RAB10: variants seen among roughly 807,000 people sequenced by gnomAD.
The protein encoded by RAB10 is ras-related protein Rab-10.
In RAB10, 5 loss-of-function variants were observed where a neutral mutation model predicts 25.7. The observed-to-expected ratio is 0.19, with a 90% confidence interval of 0.10 to 0.41. RAB10 has a LOEUF of 0.41. Among genes scored for constraint, RAB10 ranks in the 10% least tolerant of loss-of-function variants. RAB10 has a pLI of 1.00. For synonymous variants in RAB10, 89 were observed against 86.4 expected (o/e 1.03, Z -0.16); for missense variants, 103 against 245.8 (o/e 0.42, Z 3.89).
intron 1 of RAB10, among the ~76,000 whole-genome samples, chr2:26,053,997 C>T (rs541834762): frequency 2.7e-5 from 4 of 149,232 alleles, no homozygotes; most frequent in Non-Finnish European, 4.5e-5. Flanking sequence ...CCACCACACC[C>T]GGCTTCTTTT....
rs80012134 is a variant in RAB10 at position 26,036,003 on chromosome 2, G to A, written c.127+1268G>A. On this transcript the variant is annotated intron_variant, in intron 1 of 5. Transcript: ENST00000264710. ...ATCCTTATTTCCAGAGTATCATACT[G>A]TTTTCTTGGTCTGTCATAAATTTCA... Among the ~76,000 whole-genome samples, 33 of 152,238 alleles carry A rather than the reference G, an allele frequency of 2.2e-4. 1 individual carries two copies. In the East Asian group the frequency reaches 6.4e-3, roughly 29 times the overall value.
At chr2:26,081,791 G>T (rs563522180) in intron 1 of RAB10, among the ~76,000 whole-genome samples, 1 of 152,084 alleles carries the variant, frequency 6.6e-6, no homozygotes, top group African/African-American at 2.4e-5. Context: ...AATGTAAGCC[G>T]CAAGACAATG....
In RAB10 at chr2:26,135,275, C is replaced by T. The variant is rs938222014; in HGVS notation, c.*254C>T. 1 of 392,022 alleles carries T rather than the reference C, an allele frequency of 2.6e-6. No individual in the cohort carries two copies. The allele number at this position is 392,022 out of a possible 1,614,324, so 24.3% of individuals were successfully genotyped here. A position where few individuals can be genotyped will look rare whatever the true frequency, so the allele number is the denominator to read the frequency against. On this transcript the variant is annotated 3_prime_UTR_variant, in exon 6 of 6. Coordinates refer to ENST00000264710, the MANE Select transcript of RAB10 (RefSeq NM_016131.5). ...TAAATGTACTTGCTCAGCTCAACTG[C>T]ATTTCAGTTGTATTATAGTCCAGTT...
chr2:26,081,101 TC>T (rs1666859138), intron 1 of RAB10, among the ~76,000 whole-genome samples: 1 of 152,120 alleles, frequency 6.6e-6, no homozygotes, highest in South Asian at 2.1e-4. Context: ...AATGGAAGTT[TC>T]CCTGCACAAG....
At chr2:26,100,673 C>T (rs1394507638) in intron 2 of RAB10, among the ~76,000 whole-genome samples, 2 of 152,122 alleles carry the variant, frequency 1.3e-5, no homozygotes, top group African/African-American at 4.8e-5. Flanking sequence ...GATTTCATAA[C>T]CCTGTGTTTT....
At chr2:26,117,252 A>G (rs1052332153) in intron 3 of RAB10, among the ~76,000 whole-genome samples, 5 of 152,084 alleles carry the variant, frequency 3.3e-5, no homozygotes, top group African/African-American at 1.2e-4. Flanking sequence ...AACTCTTGGG[A>G]TCAGTGTTTT....
intron 3 of RAB10, among the ~76,000 whole-genome samples, chr2:26,113,237 C>T (rs1439489555): frequency 6.6e-6 from 1 of 152,084 alleles, no homozygotes; most frequent in African/African-American, 2.4e-5. Context: ...TATCTCAGTT[C>T]ACACAGAAAA....
intron 1 of RAB10, among the ~76,000 whole-genome samples, chr2:26,043,212 A>G (rs1559576504): frequency 1.3e-5 from 2 of 152,238 alleles, no homozygotes; most frequent in African/African-American, 4.8e-5. Context: ...TGGGCTCAGG[A>G]GTTCAAGACC....
intron 1 of RAB10, among the ~76,000 whole-genome samples, chr2:26,076,601 C>T (rs562178180): frequency 6.6e-6 from 1 of 152,272 alleles, no homozygotes; most frequent in African/African-American, 2.4e-5. Flanking sequence ...ATCGCAGAAT[C>T]TACTTACTCA....
intron 1 of RAB10, among the ~76,000 whole-genome samples, chr2:26,077,928 A>G (rs1477924359): frequency 1.3e-5 from 2 of 152,128 alleles, no homozygotes; most frequent in Non-Finnish European, 2.9e-5. Flanking sequence ...GCAGCGAGCC[A>G]AGATCGCGCC....
At chr2:26,055,903 C>CTT (rs35228750) in intron 1 of RAB10, among the ~76,000 whole-genome samples, 4 of 148,374 alleles carry the variant, frequency 2.7e-5, no homozygotes, top group East Asian at 3.9e-4. Context: ...ACTTTTTTTT[C>CTT]TTTTTTTTTT....
At chr2:26,107,286 G>C (rs1245396920) in intron 2 of RAB10, among the ~76,000 whole-genome samples, 2 of 145,180 alleles carry the variant, frequency 1.4e-5, no homozygotes, top group Non-Finnish European at 3.0e-5. Context: ...AGAATTCTTA[G>C]ACATAACACT....
At chr2:26,034,038 G>T (rs977856971), upstream of RAB10, 2 of 399,634 alleles carry the variant, frequency 5.0e-6, no homozygotes, top group Non-Finnish European at 4.4e-6. Flanking sequence ...GAGGCGGACC[G>T]CAAGGCTAGG....
intron 1 of RAB10, among the ~76,000 whole-genome samples, chr2:26,092,541 G>T (rs1413530666): frequency 6.6e-6 from 1 of 152,128 alleles, no homozygotes; most frequent in Non-Finnish European, 1.5e-5. Flanking sequence ...TTGACTAGAA[G>T]AAATGTGAGG....
At chr2:26,127,654 A>G (rs980854616) in intron 4 of RAB10, among the ~76,000 whole-genome samples, 196 bp from the exon 5 acceptor site, 1 of 152,154 alleles carries the variant, frequency 6.6e-6, no homozygotes, top group African/African-American at 2.4e-5. Flanking sequence ...GAATATCTGA[A>G]ATAAACTTTT....
chr2:26,079,485 AG>A (rs1389108424), intron 1 of RAB10, among the ~76,000 whole-genome samples: 8 of 152,266 alleles, frequency 5.3e-5, no homozygotes, highest in Non-Finnish European at 4.4e-5. Context: ...TTGGAATTGG[AG>A]GTATCAGTAT....
intron 3 of RAB10, among the ~76,000 whole-genome samples, chr2:26,124,036 A>T (rs1667856080): frequency 6.6e-6 from 1 of 152,108 alleles, no homozygotes; most frequent in African/African-American, 2.4e-5. Flanking sequence ...ATCCACTTCC[A>T]CTTAATGAAT....
intron 1 of RAB10, among the ~76,000 whole-genome samples, chr2:26,048,725 A>T (rs973730543): frequency 6.6e-6 from 1 of 152,178 alleles, no homozygotes; most frequent in Non-Finnish European, 1.5e-5. Context: ...AAAGAAAAAA[A>T]TTAGCTGGAT....
rs933012213 is a variant in RAB10, at chr2:26,103,302, A to G, written c.188+4580A>G. Among the ~76,000 whole-genome samples, 3 of 152,248 alleles carry G rather than the reference A, an allele frequency of 2.0e-5. No individual in the cohort carries two copies. The East Asian group carries it at 5.8e-4, about 29-fold the overall frequency. On this transcript the variant is annotated intron_variant, in intron 2 of 5. Transcript: ENST00000264710. ...CATGCTAAGTGCATTTAAGATATGA[A>G]AAGATTTTGAGAAACCAGTCATATG...
Sources: allele counts gnomAD v4.1 joint callset (sites outside exome capture counted in the v4.1 genomes callset), GRCh38; gene constraint gnomAD v4.1.1; transcripts MANE v1.5; gene names NCBI Gene and HGNC (gene_info 2026-07-23, HGNC 2026-07-21).